DPP10: variants seen among roughly 807,000 people sequenced by gnomAD.
DPP10 encodes dipeptidyl peptidase like 10.
DPP10 carries 33 observed loss-of-function variants against 120.9 expected under a neutral mutation model. That is an observed-to-expected ratio of 0.27 (90% CI 0.21 to 0.37). The LOEUF is 0.37. DPP10 is among the 10% of genes least tolerant of loss of function. DPP10 has a pLI of 1.00. For synonymous variants in DPP10, 337 were observed against 326.1 expected (o/e 1.03, Z -0.36); for missense variants, 816 against 942.8 (o/e 0.87, Z 1.76).
At chr2:114,552,096 G>A (rs1400288877) in intron 1 of DPP10, among the ~76,000 whole-genome samples, 1 of 152,164 alleles carries the variant, frequency 6.6e-6, no homozygotes, top group Admixed American at 6.5e-5. Flanking sequence ...ATGGTACAGT[G>A]GAAGGAACAT....
At chr2:115,548,862 T>C (rs1419013549) in intron 5 of DPP10, among the ~76,000 whole-genome samples, 1 of 152,154 alleles carries the variant, frequency 6.6e-6, no homozygotes, top group Non-Finnish European at 1.5e-5. Context: ...GTGACAAAGT[T>C]TAAATATCTG....
At chr2:115,763,866 A>G (rs1680397879) in intron 12 of DPP10, among the ~76,000 whole-genome samples, 2 of 152,194 alleles carry the variant, frequency 1.3e-5, no homozygotes. Flanking sequence ...TTCAGCTCTG[A>G]GTCATAGAAT....
intron 2 of DPP10, among the ~76,000 whole-genome samples, chr2:115,332,019 G>C (rs531762807): frequency 9.2e-5 from 14 of 152,072 alleles, no homozygotes; most frequent in African/African-American, 1.4e-4. Flanking sequence ...CTCCTTGTAC[G>C]TCTGGTAGAA....
chr2:114,530,501 C>T (rs1399280396), intron 1 of DPP10, among the ~76,000 whole-genome samples: 1 of 151,946 alleles, frequency 6.6e-6, no homozygotes, highest in Admixed American at 6.6e-5. Flanking sequence ...TAAACATAGC[C>T]CACAGTCAGA....
intron 1 of DPP10, among the ~76,000 whole-genome samples, chr2:114,490,765 G>A (rs879769936): frequency 1.3e-5 from 2 of 151,566 alleles, no homozygotes; most frequent in Non-Finnish European, 2.9e-5. Flanking sequence ...CTGAATTTTA[G>A]TTAATCCATG....
intron 3 of DPP10, among the ~76,000 whole-genome samples, chr2:115,404,568 C>T (rs943620468): frequency 1.3e-5 from 2 of 152,088 alleles, no homozygotes; most frequent in Admixed American, 1.3e-4. Flanking sequence ...AATGTTTATG[C>T]TACCTGTCTT....
intron 8 of DPP10, among the ~76,000 whole-genome samples, chr2:115,738,386 G>A (rs563765294): frequency 6.6e-6 from 1 of 152,120 alleles, no homozygotes; most frequent in South Asian, 2.1e-4. Context: ...GAAGAACCAT[G>A]CGAACTTGTT....
intron 8 of DPP10, among the ~76,000 whole-genome samples, chr2:115,739,371 A>G (rs1252124172): frequency 6.6e-6 from 1 of 151,988 alleles, no homozygotes; most frequent in Non-Finnish European, 1.5e-5. Flanking sequence ...TGATGGTAGA[A>G]TGCAAATATG....
chr2:115,013,658 CAAAAAAAAAA>C (rs59313783), intron 1 of DPP10, among the ~76,000 whole-genome samples: 1 of 58,414 alleles, frequency 1.7e-5, no homozygotes, highest in African/African-American at 5.6e-5. Flanking sequence ...AAATGGAAAG[CAAAAAAAAAA>C]AAAAAAAAAA....
At chr2:115,604,036 T>C (rs2083534078) in intron 5 of DPP10, among the ~76,000 whole-genome samples, 1 of 151,486 alleles carries the variant, frequency 6.6e-6, no homozygotes. Flanking sequence ...GGAAGAAAAA[T>C]GATAGGGATA....
At chr2:115,018,751 T>C (rs963963514) in intron 1 of DPP10, among the ~76,000 whole-genome samples, 1 of 151,988 alleles carries the variant, frequency 6.6e-6, no homozygotes, top group South Asian at 2.1e-4. Context: ...TTAGGAGAAA[T>C]ACCTAATGTA....
chr2:115,680,096 A>G (rs1222613508), intron 5 of DPP10, among the ~76,000 whole-genome samples: 2 of 152,054 alleles, frequency 1.3e-5, no homozygotes, highest in Non-Finnish European at 2.9e-5. Flanking sequence ...TAAAAATATC[A>G]CATTGTATTC....
chr2:115,390,874 A>T (rs72957779), intron 3 of DPP10, among the ~76,000 whole-genome samples: 2,566 of 152,262 alleles, frequency 0.017, 74 homozygotes, highest in African/African-American at 0.058. Flanking sequence ...TCCAGGGTGA[A>T]GTCTCAGCAT....
At chr2:114,925,009 A>G (rs1217623105) in intron 1 of DPP10, among the ~76,000 whole-genome samples, 18 of 152,164 alleles carry the variant, frequency 1.2e-4, no homozygotes, top group East Asian at 5.8e-4. Context: ...CAGGAGTTTG[A>G]GACCAGCCTG....
Position 115,749,931 on chromosome 2 carries a change from G to A in DPP10, c.951-3243G>A, listed in dbSNP as rs902984578. 36 of 959,038 alleles carry A rather than the reference G, an allele frequency of 3.8e-5. No individual in the cohort carries two copies. In the Admixed American group the frequency reaches 7.4e-4, roughly 20 times the overall value. 59.4% of individuals were successfully genotyped at this position (959,038 alleles called of 1,614,324 possible). A position where few individuals can be genotyped will look rare whatever the true frequency, so the allele number is the denominator to read the frequency against. ...ATCTTCTGTGCCAGACCACCCAGCT[G>A]ATAGAAAGTCTGTTGACTTGAGTGC... is the stretch of plus-strand genomic sequence containing the variant. On this transcript the variant is annotated intron_variant, in intron 10 of 25. Coordinates refer to ENST00000410059, the MANE Select transcript of DPP10 (RefSeq NM_020868.6).
intron 21 of DPP10, among the ~76,000 whole-genome samples, chr2:115,824,938 C>A (rs1468840814): frequency 1.3e-5 from 2 of 152,158 alleles, no homozygotes; most frequent in African/African-American, 4.8e-5. Flanking sequence ...TAATTACCTT[C>A]TAAACCTATT....
At chr2:115,332,433 G>C (rs1272115649) in intron 2 of DPP10, among the ~76,000 whole-genome samples, 1 of 151,998 alleles carries the variant, frequency 6.6e-6, no homozygotes, top group Admixed American at 6.6e-5. Flanking sequence ...CTTCAGTTCT[G>C]CTCTGATCTT....
chr2:115,347,050 T>C (rs1047261496), intron 3 of DPP10, among the ~76,000 whole-genome samples: 58 of 152,278 alleles, frequency 3.8e-4, no homozygotes, highest in African/African-American at 1.3e-3. Context: ...CAGCCAACAC[T>C]GCTGTAACAA....
chr2:115,108,183 T>G (rs559896511), intron 1 of DPP10, among the ~76,000 whole-genome samples: 2 of 152,270 alleles, frequency 1.3e-5, no homozygotes, highest in African/African-American at 2.4e-5. Flanking sequence ...TCAACTTACA[T>G]AGATGAAATA....
Sources: gnomAD v4.1 joint callset for allele counts (sites outside exome capture counted in the v4.1 genomes callset) on GRCh38, gnomAD v4.1.1 for gene constraint, MANE v1.5 for transcripts, NCBI Gene and HGNC (gene_info 2026-07-23, HGNC 2026-07-21) for gene names.